Variants in CD226 observed in about 807,000 individuals in gnomAD.
CD226 encodes CD226 molecule, also known as CD226 antigen.
Under a neutral mutation model 34.9 loss-of-function variants are expected in CD226, and 24 were observed. The ratio of observed to expected loss-of-function variants is 0.69; its 90% confidence interval spans 0.50 to 0.97. CD226 has a LOEUF of 0.97. Among genes scored for constraint, CD226 ranks in the 50% least tolerant of loss-of-function variants. CD226 has a pLI of 0.00. For synonymous variants in CD226, 148 were observed against 147.4 expected (o/e 1.00, Z -0.03); for missense variants, 397 against 412.7 (o/e 0.96, Z 0.33).
In CD226 at chr18:69,856,783, A is replaced by T. The variant is rs564848887; in HGVS notation, c.*7531T>A. 3.9e-5 allele frequency: 6 copies of T among 152,300 alleles called. No individual in the cohort carries two copies. The South Asian group carries it at 1.2e-3, about 32-fold the overall frequency. 9.4% of individuals were successfully genotyped at this position (152,300 alleles called of 1,614,324 possible). On this transcript the variant is annotated 3_prime_UTR_variant, in exon 6 of 6. Transcript: ENST00000582621. Reference sequence around the variant, plus strand: ...TGAAAATAAAAATAGAGCTTACCAAAACTTGTGGAACAAAGTGAAATTTAT... The same window carrying T: ...TGAAAATAAAAATAGAGCTTACCAATACTTGTGGAACAAAGTGAAATTTAT...
At chr18:69,933,462 TCCAG>T in intron 2 of CD226, among the ~76,000 whole-genome samples, 1 of 152,160 alleles carries the variant, frequency 6.6e-6, no homozygotes, top group African/African-American at 2.4e-5. Flanking sequence ...CACCTATATT[TCCAG>T]GCCATGGTTT....
At chr18:69,929,721 G>A (rs927505294) in intron 2 of CD226, among the ~76,000 whole-genome samples, 3 of 152,126 alleles carry the variant, frequency 2.0e-5, no homozygotes, top group African/African-American at 4.8e-5. Context: ...AAACCTAAAC[G>A]ATTCAACCCC....
chr18:69,896,715 C>T (rs1042258890), intron 2 of CD226, among the ~76,000 whole-genome samples: 1 of 152,124 alleles, frequency 6.6e-6, no homozygotes, highest in Non-Finnish European at 1.5e-5. Flanking sequence ...GGGCTGGTGT[C>T]TCTGACACTG....
intron 5 of CD226, among the ~76,000 whole-genome samples, chr18:69,866,553 T>C (rs1983158158): frequency 6.6e-6 from 1 of 152,178 alleles, no homozygotes; most frequent in South Asian, 2.1e-4. Flanking sequence ...AAGATAATAA[T>C]AATAATGAAT....
chr18:69,953,264 T>C (rs1451866771), intron 1 of CD226, among the ~76,000 whole-genome samples: 5 of 152,186 alleles, frequency 3.3e-5, no homozygotes, highest in Non-Finnish European at 7.3e-5. Context: ...TGTAGACCAA[T>C]GTTTACAGCA....
chr18:69,872,909 A>G (rs900727784), intron 4 of CD226, among the ~76,000 whole-genome samples: 1 of 152,164 alleles, frequency 6.6e-6, no homozygotes, highest in African/African-American at 2.4e-5. Flanking sequence ...CAGGATAAAG[A>G]GCAGAGGCAT....
chr18:69,867,672 A>T (rs1983236804), intron 4 of CD226, among the ~76,000 whole-genome samples: 1 of 152,210 alleles, frequency 6.6e-6, no homozygotes, highest in Non-Finnish European at 1.5e-5. Context: ...CAGTGATTTT[A>T]CTAAAGAATG....
At chr18:69,936,063 G>A (rs1341558914) in intron 2 of CD226, among the ~76,000 whole-genome samples, 1 of 152,140 alleles carries the variant, frequency 6.6e-6, no homozygotes, top group East Asian at 1.9e-4. Flanking sequence ...GAAGGAGGTA[G>A]AGAGAAACCC....
At position 69,874,434 on chromosome 18, in the gene CD226, AAACCC is replaced by A. The variant is rs540521845; in HGVS notation, c.728-1193_728-1189del. 5.9e-5 allele frequency among the ~76,000 whole-genome samples: 9 copies of A among 152,312 alleles called. No homozygotes were observed. In the South Asian group the frequency reaches 1.9e-3, roughly 32 times the overall value. Reference sequence around the variant, plus strand: ...TGCTGCTGGGAATAGGACTGAAATGAAACCCAATGGTCTTCATTGCTGTCTCTCTT... The same window carrying A: ...TGCTGCTGGGAATAGGACTGAAATGAAATGGTCTTCATTGCTGTCTCTCTT... On this transcript the variant is annotated intron_variant, in intron 3 of 5. Coordinates refer to ENST00000582621, the MANE Select transcript of CD226 (RefSeq NM_001303618.2).
intron 3 of CD226, among the ~76,000 whole-genome samples, chr18:69,873,741 CATG>C (rs1350156684): frequency 6.6e-6 from 1 of 152,076 alleles, no homozygotes; most frequent in Admixed American, 6.6e-5. Context: ...TGTGGTGGTG[CATG>C]CCTATAATCC....
intron 2 of CD226, among the ~76,000 whole-genome samples, chr18:69,906,069 A>G (rs1327171021): frequency 1.3e-5 from 2 of 152,190 alleles, no homozygotes; most frequent in Non-Finnish European, 2.9e-5. Flanking sequence ...TATCTACTTC[A>G]TTACATTTCT....
intron 4 of CD226, among the ~76,000 whole-genome samples, chr18:69,867,766 A>C (rs1788106): frequency 0.058 from 8,876 of 152,282 alleles, 750 homozygotes; most frequent in African/African-American, 0.19. Flanking sequence ...ATTAAAATTT[A>C]TTTTAAATGC....
chr18:69,926,407 A>G (rs879860312), intron 2 of CD226, among the ~76,000 whole-genome samples: 1 of 152,102 alleles, frequency 6.6e-6, no homozygotes, highest in Non-Finnish European at 1.5e-5. Context: ...ATGAGGAATG[A>G]CAACAGTCAT....
intron 2 of CD226, among the ~76,000 whole-genome samples, chr18:69,904,362 A>G (rs2055225237): frequency 6.6e-6 from 1 of 152,198 alleles, no homozygotes; most frequent in African/African-American, 2.4e-5. Flanking sequence ...CTTGCAATGC[A>G]GGCCCCGGCA....
At chr18:69,910,686 G>C (rs2055313033) in intron 2 of CD226, among the ~76,000 whole-genome samples, 3 of 152,156 alleles carry the variant, frequency 2.0e-5, no homozygotes. Context: ...ACTAGTTTCA[G>C]TTTCTTTGGT....
intron 4 of CD226, among the ~76,000 whole-genome samples, chr18:69,868,771 G>A (rs571541586): frequency 2.0e-5 from 3 of 151,180 alleles, no homozygotes; most frequent in African/African-American, 7.3e-5. Context: ...CCAAATGCAC[G>A]CACATGCACA....
At chr18:69,921,639 G>A (rs141516404) in intron 2 of CD226, among the ~76,000 whole-genome samples, 4 of 152,258 alleles carry the variant, frequency 2.6e-5, no homozygotes, top group African/African-American at 4.8e-5. Context: ...GAGGCCCTTC[G>A]TGGATTGGCC....
At chr18:69,887,564 T>C (rs900993249) in intron 3 of CD226, among the ~76,000 whole-genome samples, 2 of 152,202 alleles carry the variant, frequency 1.3e-5, no homozygotes, top group Non-Finnish European at 2.9e-5. Context: ...CCCGTGTCCA[T>C]CATCATCACA....
At chr18:69,896,672 A>C (rs1462082833) in intron 2 of CD226, among the ~76,000 whole-genome samples, 1 of 152,212 alleles carries the variant, frequency 6.6e-6, no homozygotes, top group Admixed American at 6.5e-5. Context: ...CAAGAGGCTG[A>C]ATTTTACAAA....
Sources: gnomAD v4.1 joint callset for allele counts (sites outside exome capture counted in the v4.1 genomes callset) on GRCh38, gnomAD v4.1.1 for gene constraint, MANE v1.5 for transcripts, NCBI Gene and HGNC (gene_info 2026-07-23, HGNC 2026-07-21) for gene names.